The following SDK1 variants were observed in gnomAD, a reference collection of about 807,000 sequenced individuals.
The protein encoded by SDK1 is protein sidekick-1.
In SDK1, 157 loss-of-function variants were observed where a neutral mutation model predicts 245.5. The ratio of observed to expected loss-of-function variants is 0.64; its 90% CI spans 0.56 to 0.73. SDK1 has a LOEUF of 0.73. Among genes scored for constraint, SDK1 ranks in the 30% least tolerant of loss-of-function variants. SDK1 has a pLI of 0.00. For synonymous variants in SDK1, 1,647 were observed against 1,278.5 expected (o/e 1.29, Z -6.15); for missense variants, 3,583 against 3,002.3 (o/e 1.19, Z -4.52).
At chr7:3,591,032 A>G (rs988436523) in intron 1 of SDK1, among the ~76,000 whole-genome samples, 1 of 152,058 alleles carries the variant, frequency 6.6e-6, no homozygotes, top group Admixed American at 6.6e-5. Flanking sequence ...AGGAGATCCT[A>G]ATGTGCAAAG....
chr7:3,849,869 G>C (rs1780375597), intron 5 of SDK1, among the ~76,000 whole-genome samples: 1 of 152,184 alleles, frequency 6.6e-6, no homozygotes, highest in African/African-American at 2.4e-5. Context: ...TAGAAGAGTT[G>C]ACAGACCTTT....
At chr7:3,829,469 TGAG>T (rs1779860978) in intron 5 of SDK1, among the ~76,000 whole-genome samples, 4 of 152,324 alleles carry the variant, frequency 2.6e-5, no homozygotes, top group African/African-American at 9.6e-5. Flanking sequence ...GTTTCAAAGC[TGAG>T]GACACTGAGG....
Position 4,179,668 on chromosome 7 carries a change from C to T in SDK1, c.5098+1082C>T, listed in dbSNP as rs111375849. On this transcript the variant is annotated intron_variant, in intron 35 of 44. Transcript: ENST00000404826. ...AGCCACCGAGGTACGGCTCAGCTTT[C>T]CCTCAGGGATGGACCTGGCTGTAGA... 2.6e-3 allele frequency among the ~76,000 whole-genome samples: 390 copies of T among 152,078 alleles called. 3 individuals are homozygous for T. The highest frequency in any genetic ancestry group is 4.4e-3 in the Non-Finnish European group (297 of 67,988).
chr7:4,062,648 TAAC>T (rs1268085448), intron 19 of SDK1, among the ~76,000 whole-genome samples: 2 of 152,004 alleles, frequency 1.3e-5, no homozygotes, highest in African/African-American at 4.8e-5. Flanking sequence ...GACAAGGACA[TAAC>T]AACAAAAAAC....
At chr7:3,764,677 G>A (rs917506783) in intron 4 of SDK1, among the ~76,000 whole-genome samples, 3 of 151,462 alleles carry the variant, frequency 2.0e-5, no homozygotes, top group Non-Finnish European at 4.4e-5. Flanking sequence ...GTGAGACTCT[G>A]TCTCAAAAAA....
At chr7:4,193,367 AATATTT>A (rs1161483629) in intron 35 of SDK1, among the ~76,000 whole-genome samples, 38 of 78,124 alleles carry the variant, frequency 4.9e-4, no homozygotes, top group Admixed American at 2.5e-3. Flanking sequence ...TATATATTAA[AATATTT>A]ATATATATAT....
intron 1 of SDK1, among the ~76,000 whole-genome samples, chr7:3,355,200 T>C (rs931905167): frequency 1.3e-5 from 2 of 152,220 alleles, no homozygotes; most frequent in African/African-American, 4.8e-5. Context: ...GAATATTCTC[T>C]GAAACTAGAC....
intron 1 of SDK1, among the ~76,000 whole-genome samples, chr7:3,304,738 T>C (rs912191526): frequency 2.6e-5 from 4 of 152,208 alleles, no homozygotes; most frequent in African/African-American, 9.7e-5. Context: ...TACTCACTTA[T>C]TACCTTGTGT....
chr7:4,230,921 A>G (rs1785720405), intron 40 of SDK1, among the ~76,000 whole-genome samples: 1 of 152,174 alleles, frequency 6.6e-6, no homozygotes, highest in Admixed American at 6.5e-5. Flanking sequence ...TCATTAGAAC[A>G]GCAATCTCAT....
chr7:3,667,542 A>G (rs1306219720), intron 4 of SDK1, among the ~76,000 whole-genome samples: 1 of 152,174 alleles, frequency 6.6e-6, no homozygotes, highest in Non-Finnish European at 1.5e-5. Flanking sequence ...CACTACCACA[A>G]TCATAAAATA....
intron 1 of SDK1, among the ~76,000 whole-genome samples, chr7:3,447,108 A>T (rs1382105515): frequency 2.0e-5 from 3 of 152,232 alleles, no homozygotes; most frequent in Admixed American, 6.5e-5. Flanking sequence ...AGTAGAATAC[A>T]TCTCATTTAA....
At chr7:4,018,664 C>G (rs552799141) in intron 17 of SDK1, among the ~76,000 whole-genome samples, 3 of 152,016 alleles carry the variant, frequency 2.0e-5, no homozygotes, top group Admixed American at 2.0e-4. Context: ...ATTTTATTTC[C>G]GGTGCATTTG....
At chr7:4,232,059 T>C (rs1785810075) in intron 40 of SDK1, among the ~76,000 whole-genome samples, 1 of 151,654 alleles carries the variant, frequency 6.6e-6, no homozygotes, top group Non-Finnish European at 1.5e-5. Context: ...TTTTTTTTTT[T>C]TTTTAACCAA....
At chr7:3,450,971 A>G (rs1275003755) in intron 1 of SDK1, among the ~76,000 whole-genome samples, 1 of 152,178 alleles carries the variant, frequency 6.6e-6, no homozygotes, top group East Asian at 1.9e-4. Context: ...TAGTCATTGC[A>G]GTCAGATGGC....
chr7:4,017,895 G>A (rs931876929), intron 17 of SDK1, among the ~76,000 whole-genome samples: 4 of 152,144 alleles, frequency 2.6e-5, no homozygotes, highest in Non-Finnish European at 2.9e-5. Context: ...AGACATAAAC[G>A]TCATGAAGCC....
chr7:3,809,040 C>T (rs558429621), intron 4 of SDK1, among the ~76,000 whole-genome samples: 50 of 152,070 alleles, frequency 3.3e-4, no homozygotes, highest in African/African-American at 1.2e-3. Flanking sequence ...ATACCCAAGA[C>T]GGGGTAATTT....
chr7:4,147,032 A>G (rs924786805), intron 29 of SDK1, among the ~76,000 whole-genome samples: 17 of 152,178 alleles, frequency 1.1e-4, no homozygotes, highest in Admixed American at 4.6e-4. Flanking sequence ...GGTTGGTGCC[A>G]CAGGACCCTC....
At chr7:4,127,113 C>G (rs1204253427) in intron 25 of SDK1, among the ~76,000 whole-genome samples, 2 of 152,304 alleles carry the variant, frequency 1.3e-5, no homozygotes, top group South Asian at 2.1e-4. Context: ...CAAGTTAATA[C>G]AGCAAACAGA....
At chr7:4,030,302 G>A (rs1787699479) in intron 17 of SDK1, among the ~76,000 whole-genome samples, 1 of 152,238 alleles carries the variant, frequency 6.6e-6, no homozygotes, top group Admixed American at 6.5e-5. Context: ...AGCTATATAT[G>A]TGTACGAAAA....
Sources: gnomAD v4.1 joint callset for allele counts (sites outside exome capture counted in the v4.1 genomes callset) on GRCh38, gnomAD v4.1.1 for gene constraint, MANE v1.5 for transcripts, NCBI Gene and HGNC (gene_info 2026-07-23, HGNC 2026-07-21) for gene names.